NLGN1: variants seen among roughly 807,000 people sequenced by gnomAD.
The protein encoded by NLGN1 is neuroligin-1.
NLGN1 carries 12 observed loss-of-function variants against 65.5 expected under a neutral mutation model. The observed-to-expected ratio is 0.18, with a 90% CI of 0.12 to 0.30. The LOEUF is 0.30. NLGN1 is among the 10% of genes least tolerant of loss of function. NLGN1 has a pLI of 1.00. For synonymous variants in NLGN1, 350 were observed against 359.5 expected (o/e 0.97, Z 0.30); for missense variants, 750 against 1,007.1 (o/e 0.74, Z 3.46).
chr3:173,524,463 G>A (rs888699592), intron 2 of NLGN1, among the ~76,000 whole-genome samples: 14 of 152,066 alleles, frequency 9.2e-5, no homozygotes, highest in African/African-American at 1.7e-4. Flanking sequence ...GGAGTTTTGC[G>A]GACGAATCTT....
At chr3:173,656,947 C>T (rs767591009) in intron 3 of NLGN1, among the ~76,000 whole-genome samples, 8 of 151,830 alleles carry the variant, frequency 5.3e-5, no homozygotes, top group Admixed American at 2.0e-4. Flanking sequence ...ATCTCAAAGA[C>T]GAGGAAATCA....
At chr3:174,206,303 A>G (rs539928297) in intron 4 of NLGN1, among the ~76,000 whole-genome samples, 1 of 152,330 alleles carries the variant, frequency 6.6e-6, no homozygotes, top group Admixed American at 6.5e-5. Context: ...GGGCGAAATC[A>G]GATACTGGGC....
At chr3:173,732,704 C>G (rs1043030912) in intron 3 of NLGN1, among the ~76,000 whole-genome samples, 1 of 152,018 alleles carries the variant, frequency 6.6e-6, no homozygotes, top group African/African-American at 2.4e-5. Flanking sequence ...GACACATTCT[C>G]AAAGAATTAA....
chr3:174,103,163 A>G (rs1358861370), intron 4 of NLGN1, among the ~76,000 whole-genome samples: 2 of 152,196 alleles, frequency 1.3e-5, no homozygotes, highest in East Asian at 3.8e-4. Flanking sequence ...AGTCATAGTG[A>G]GTAACATTGC....
chr3:173,677,699 T>C (rs908196909), intron 3 of NLGN1, among the ~76,000 whole-genome samples: 1 of 151,994 alleles, frequency 6.6e-6, no homozygotes, highest in African/African-American at 2.4e-5. Context: ...CATATTTAGC[T>C]CCATGGGCCA....
intron 4 of NLGN1, among the ~76,000 whole-genome samples, chr3:174,231,409 T>C (rs28649680): frequency 0.44 from 66,505 of 151,934 alleles, 14,746 homozygotes; most frequent in East Asian, 0.58. Context: ...CTTCTTTGAA[T>C]GCAGTTTGAA....
intron 4 of NLGN1, among the ~76,000 whole-genome samples, chr3:174,026,564 A>G (rs2152465715): frequency 6.6e-6 from 1 of 152,370 alleles, no homozygotes; most frequent in Admixed American, 6.5e-5. Context: ...GCAGATGAAC[A>G]CACAACATTA....
At chr3:173,941,179 G>C in intron 4 of NLGN1, among the ~76,000 whole-genome samples, 1 of 151,976 alleles carries the variant, frequency 6.6e-6, no homozygotes, top group East Asian at 1.9e-4. Flanking sequence ...GAAGATCATA[G>C]TACAGAATCA....
intron 4 of NLGN1, among the ~76,000 whole-genome samples, chr3:174,109,318 T>C (rs923913419): frequency 2.0e-5 from 3 of 152,054 alleles, no homozygotes; most frequent in African/African-American, 7.2e-5. Context: ...CTCATACTTA[T>C]TTGCACCCTC....
chr3:173,856,878 A>T (rs1728081096), intron 4 of NLGN1, among the ~76,000 whole-genome samples: 1 of 152,036 alleles, frequency 6.6e-6, no homozygotes, highest in Admixed American at 6.6e-5. Context: ...AAACTTTAGG[A>T]TTCAGGTTCA....
chr3:173,682,798 G>A (rs1359236460), intron 3 of NLGN1, among the ~76,000 whole-genome samples: 2 of 151,830 alleles, frequency 1.3e-5, no homozygotes, highest in Non-Finnish European at 2.9e-5. Flanking sequence ...GGCATAAATG[G>A]GTCAAGTCTT....
At chr3:173,464,827 A>C (rs1724055732) in intron 2 of NLGN1, among the ~76,000 whole-genome samples, 1 of 152,186 alleles carries the variant, frequency 6.6e-6, no homozygotes, top group South Asian at 2.1e-4. Context: ...CCCTAATGGC[A>C]GAGGTTAGTC....
At chr3:173,438,235 T>C (rs1415293837) in intron 2 of NLGN1, among the ~76,000 whole-genome samples, 2 of 152,268 alleles carry the variant, frequency 1.3e-5, no homozygotes, top group East Asian at 3.9e-4. Flanking sequence ...CCTTTTAATT[T>C]GATGATGGAG....
At chr3:174,215,739 C>T (rs375764209) in intron 4 of NLGN1, among the ~76,000 whole-genome samples, 2 of 152,022 alleles carry the variant, frequency 1.3e-5, no homozygotes, top group Non-Finnish European at 2.9e-5. Context: ...AAATGTAGGT[C>T]GCAGAAAACT....
At chr3:174,003,033 T>G (rs374647316) in intron 4 of NLGN1, among the ~76,000 whole-genome samples, 1 of 152,080 alleles carries the variant, frequency 6.6e-6, no homozygotes, top group Non-Finnish European at 1.5e-5. Flanking sequence ...CAAAGGAAGA[T>G]AGCAGAAAGT....
intron 1 of NLGN1, among the ~76,000 whole-genome samples, chr3:173,422,239 A>G (rs74990133): frequency 0.041 from 6,199 of 152,244 alleles, 414 homozygotes; most frequent in African/African-American, 0.14. Context: ...TGAACTTGGA[A>G]GACATTATGC....
In NLGN1 at chr3:174,198,891, C is replaced by T. The variant is rs370929114; in HGVS notation, c.647-76424C>T. 1.3e-4 allele frequency among the ~76,000 whole-genome samples: 17 copies of T among 127,178 alleles called. No homozygotes were observed. The South Asian group carries it at 4.3e-3, about 32-fold the overall frequency. 83.4% of individuals were successfully genotyped at this position (127,178 alleles called of 152,430 possible). Reference sequence around the variant, plus strand: ...TGAGACGGAGTCTCGCTCTGTTTCCCAGGCTGGAGTGCAATGCACTGTCTC... The same window carrying T: ...TGAGACGGAGTCTCGCTCTGTTTCCTAGGCTGGAGTGCAATGCACTGTCTC... On this transcript the variant is annotated intron_variant, in intron 4 of 6. Transcript: ENST00000457714.
At chr3:173,875,012 GA>G (rs1338652244) in intron 4 of NLGN1, among the ~76,000 whole-genome samples, 1 of 152,146 alleles carries the variant, frequency 6.6e-6, no homozygotes, top group African/African-American at 2.4e-5. Context: ...AGTAACCTCA[GA>G]AAGTCTTTAG....
chr3:174,178,903 G>A (rs756713626), intron 4 of NLGN1, among the ~76,000 whole-genome samples: 4 of 152,038 alleles, frequency 2.6e-5, no homozygotes, highest in Non-Finnish European at 5.9e-5. Flanking sequence ...TAAGAATAGA[G>A]GCATATAGGA....
Sources: allele counts gnomAD v4.1 joint callset (sites outside exome capture counted in the v4.1 genomes callset), GRCh38; gene constraint gnomAD v4.1.1; transcripts MANE v1.5; gene names NCBI Gene and HGNC (gene_info 2026-07-23, HGNC 2026-07-21).